ZNF558: variants seen among roughly 807,000 people sequenced by gnomAD.
The protein encoded by ZNF558 is zinc finger protein 558.
ZNF558 carries 23 observed loss-of-function variants against 37.6 expected under a neutral mutation model. The observed-to-expected ratio is 0.61, with a 90% CI of 0.44 to 0.87. The LOEUF is 0.87. ZNF558 is among the 40% of genes least tolerant of loss of function. ZNF558 has a pLI of 0.00. For synonymous variants in ZNF558, 189 were observed against 174.4 expected, an observed-to-expected ratio of 1.08 and a Z score of -0.66; for missense variants, 429 against 483.7, an observed-to-expected ratio of 0.89 and a Z score of 1.06.
rs2043722544 is a variant in ZNF558 at position 8,808,554 on chromosome 19, T to C, written c.*2727A>G. On this transcript the variant is annotated 3_prime_UTR_variant, in exon 10 of 10. Transcript: ENST00000601372. ...TTAGAAAAAGAAATCTGAACATACG[T>C]ACTGTACTTGGAAATACAATTAAGT... 6.6e-6 allele frequency: 1 copy of C among 152,324 alleles called. No homozygotes were observed. The highest frequency in any genetic ancestry group is 1.9e-4 in the East Asian group (1 of 5,190). The allele number at this position is 152,324 out of a possible 1,614,324, so 9.4% of individuals were successfully genotyped here. A position where few individuals can be genotyped will look rare whatever the true frequency, so the allele number is the denominator to read the frequency against.
At chr19:8,817,967 C>T (rs2043982120) in intron 7 of ZNF558, among the ~76,000 whole-genome samples, 1 of 152,030 alleles carries the variant, frequency 6.6e-6, no homozygotes, top group African/African-American at 2.4e-5. Flanking sequence ...AAGGATTAAA[C>T]AATAAACTAA....
intron 7 of ZNF558, among the ~76,000 whole-genome samples, chr19:8,817,501 G>A (rs888739450): frequency 1.3e-5 from 2 of 151,140 alleles, no homozygotes; most frequent in African/African-American, 4.9e-5. Context: ...AACTTATGAT[G>A]TTCAGTGGGT....
intron 8 of ZNF558, 40 bp downstream of exon 8, chr19:8,813,087 A>G: frequency 1.3e-6 from 2 of 1,496,360 alleles, no homozygotes; most frequent in Non-Finnish European, 9.1e-7. Context: ...CACTGGCCAG[A>G]GCTATTCCTC....
intron 7 of ZNF558, among the ~76,000 whole-genome samples, chr19:8,814,498 A>G (rs1296377113): frequency 6.6e-6 from 1 of 152,180 alleles, no homozygotes; most frequent in African/African-American, 2.4e-5. Flanking sequence ...GGGGAAAAAG[A>G]TGTTTGGGGA....
At chr19:8,831,447 T>C (rs1163685978) in intron 1 of ZNF558, 46 bp from the exon 2 acceptor site, 6 of 151,794 alleles carry the variant, frequency 4.0e-5, no homozygotes, top group Non-Finnish European at 8.8e-5. Flanking sequence ...AGGCTTTGTA[T>C]AGGTTGTACA....
intron 7 of ZNF558, among the ~76,000 whole-genome samples, chr19:8,817,684 G>A (rs1393911488): frequency 2.0e-5 from 3 of 152,022 alleles, no homozygotes; most frequent in Non-Finnish European, 2.9e-5. Flanking sequence ...CACAAATATG[G>A]CCAATAGTGA....
chr19:8,818,315 G>C (rs1234760363), intron 7 of ZNF558, among the ~76,000 whole-genome samples: 3 of 152,118 alleles, frequency 2.0e-5, no homozygotes, highest in Non-Finnish European at 1.5e-5. Flanking sequence ...AGCTGGGCGT[G>C]GTGGTGCGCA....
chr19:8,836,338 C>T (rs879635639), upstream of ZNF558, among the ~76,000 whole-genome samples: 8 of 151,852 alleles, frequency 5.3e-5, no homozygotes, highest in African/African-American at 1.2e-4. Context: ...GAGTTCTTCT[C>T]TTCTTCCTCT....
chr19:8,828,704 G>A (rs550861099), intron 2 of ZNF558, among the ~76,000 whole-genome samples: 6 of 152,154 alleles, frequency 3.9e-5, no homozygotes, highest in Non-Finnish European at 7.3e-5. Flanking sequence ...GCTCATGTCT[G>A]TAATCCCAGC....
At chr19:8,827,451 C>A (rs796576336) in intron 2 of ZNF558, among the ~76,000 whole-genome samples, 26 of 152,244 alleles carry the variant, frequency 1.7e-4, no homozygotes, top group African/African-American at 6.3e-4. Flanking sequence ...AATTGCATCA[C>A]CCTCTGGCCC....
chr19:8,821,140 T>C (rs1484221332), intron 7 of ZNF558, 40 bp downstream of exon 7: 1 of 1,606,810 alleles, frequency 6.2e-7, no homozygotes, highest in Admixed American at 1.7e-5. Context: ...GTGTTGCCAC[T>C]GGAGTCATTA....
Position 8,810,691 on chromosome 19 carries a change from TTATC to T in ZNF558, c.*586_*589del, listed in dbSNP as rs1469469266. ...GGCAAATTTCCCAGATGCTTCTGAGTTATCTGTTTCCTGGTATTCATACCTTCTG... is the reference window on the plus strand; with the variant it reads ...GGCAAATTTCCCAGATGCTTCTGAGTTGTTTCCTGGTATTCATACCTTCTG... On this transcript the variant is annotated 3_prime_UTR_variant, in exon 10 of 10. Transcript: ENST00000601372. 1 of 152,324 alleles carries T rather than the reference TTATC, an allele frequency of 6.6e-6. No homozygotes were observed. Among genetic ancestry groups the T allele is most frequent in the Non-Finnish European group, 1.5e-5 (1 of 68,116 alleles). The allele number at this position is 152,324 out of a possible 1,614,324, so 9.4% of individuals were successfully genotyped here.
At chr19:8,835,046 G>T (rs1438319929), upstream of ZNF558, among the ~76,000 whole-genome samples, 1 of 151,166 alleles carries the variant, frequency 6.6e-6, no homozygotes, top group South Asian at 2.1e-4. Flanking sequence ...AGTGAACAAA[G>T]AGTTTTTTTT....
Position 8,811,130 on chromosome 19 carries a change from G to A in ZNF558, c.*151C>T, listed in dbSNP as rs530326604. ...TTCCTGATCTGTAGAAATTGTTAGAGAATAAACATTTCGTGTTTGAAGCCA... is the reference window on the plus strand; with the variant it reads ...TTCCTGATCTGTAGAAATTGTTAGAAAATAAACATTTCGTGTTTGAAGCCA... On this transcript the variant is annotated 3_prime_UTR_variant, in exon 10 of 10. Transcript: ENST00000601372. 32 of 677,740 alleles carry A rather than the reference G, an allele frequency of 4.7e-5. No individual in the cohort carries two copies. The East Asian group carries it at 6.9e-4, about 15-fold the overall frequency. 42.0% of individuals were successfully genotyped at this position (677,740 alleles called of 1,614,324 possible).
intron 4 of ZNF558, among the ~76,000 whole-genome samples, chr19:8,823,252 A>T (rs1367832413): frequency 1.3e-5 from 2 of 150,492 alleles, no homozygotes; most frequent in Non-Finnish European, 3.0e-5. Context: ...CCTCTCTCTG[A>T]ACCCAACCTC....
At position 8,811,172 on chromosome 19, in the gene ZNF558, CATTT is replaced by C. The variant is rs1213404488; in HGVS notation, c.*105_*108del. 1 of 1,226,550 alleles carries C rather than the reference CATTT, an allele frequency of 8.2e-7. No individual in the cohort carries two copies. Among genetic ancestry groups the C allele is most frequent in the African/African-American group, 1.5e-5 (1 of 65,856 alleles). The allele number at this position is 1,226,550 out of a possible 1,614,324, so 76.0% of individuals were successfully genotyped here. A position where few individuals can be genotyped will look rare whatever the true frequency, so the allele number is the denominator to read the frequency against. On this transcript the variant is annotated 3_prime_UTR_variant, in exon 10 of 10. Transcript: ENST00000601372. ...TTGAAGCCACAAAATTTGCGGGGAT[CATTT>C]GTTATGCTGCAACAAATAACTTATA...
rs781855654 is a variant in ZNF558, at chr19:8,811,547, T to C, written c.943A>G (p.Thr315Ala). 6.2e-7 allele frequency: 1 copy of C among 1,614,194 alleles called. No homozygotes were observed. Among genetic ancestry groups the C allele is most frequent in the South Asian group, 1.1e-5 (1 of 91,086 alleles). The change falls in exon 10 of 10, where the codon ACT becomes GCT. Residue 315 changes from threonine to alanine, a missense_variant. Thr to Ala is a moderately conservative substitution (Grantham distance 58, BLOSUM62 0). Coordinates refer to ENST00000601372, the MANE Select transcript of ZNF558 (RefSeq NM_144693.3). ...TTACATTCATAGGGTTTTTCTCCAG[T>C]ATGAGTTCTTACGTGCTGTGTCAGA... ...SYLTQHVRTH[T>A]GEKPYECNEC... is the part of the protein sequence containing the mutation.
chr19:8,821,859 G>T (rs569937293), intron 6 of ZNF558, 144 bp downstream of exon 6: 2 of 1,507,034 alleles, frequency 1.3e-6, no homozygotes, highest in Non-Finnish European at 1.8e-6. Context: ...TTTCTGGGCA[G>T]CCCTCACCCT....
chr19:8,824,261 T>A lies in ZNF558; in HGVS notation c.-245A>T, dbSNP rs1416710553. ...AAGTGGCCCTGTGGAGAGGCCTATGTGGAGAGGAACTGAGGCCTCCCACCG... is the reference window on the plus strand; with the variant it reads ...AAGTGGCCCTGTGGAGAGGCCTATGAGGAGAGGAACTGAGGCCTCCCACCG... On this transcript the variant is annotated 5_prime_UTR_variant, in exon 4 of 10. Coordinates refer to ENST00000601372, the MANE Select transcript of ZNF558 (RefSeq NM_144693.3). 6.6e-6 allele frequency: 1 copy of A among 152,208 alleles called. No individual in the cohort carries two copies. The highest frequency in any genetic ancestry group is 1.5e-5 in the Non-Finnish European group (1 of 68,146). 9.4% of individuals were successfully genotyped at this position (152,208 alleles called of 1,614,324 possible).
Sources: gnomAD v4.1 joint callset for allele counts (sites outside exome capture counted in the v4.1 genomes callset) on GRCh38, gnomAD v4.1.1 for gene constraint, MANE v1.5 for transcripts, NCBI Gene and HGNC (gene_info 2026-07-23, HGNC 2026-07-21) for gene names.